PALS1: variants seen among roughly 807,000 people sequenced by gnomAD.
PALS1 encodes the protein protein associated with LIN7 1, MAGUK p55 family member.
In PALS1, 31 loss-of-function variants were observed where a neutral mutation model predicts 78.9. The ratio of observed to expected loss-of-function variants is 0.39; its 90% confidence interval spans 0.30 to 0.53. PALS1 has a LOEUF of 0.53. Among genes scored for constraint, PALS1 ranks in the 20% least tolerant of loss-of-function variants. The pLI is 0.67. For missense variants in PALS1, 704 were observed against 826.5 expected (o/e 0.85, Z 1.82); for synonymous variants, 276 against 270.9 (o/e 1.02, Z -0.18).
In PALS1 at chr14:67,279,033, A is replaced by C. The variant is rs907303661; in HGVS notation, c.-138A>C. The C allele has an allele frequency of 6.7e-6, 5 of 749,170 alleles. No homozygotes were observed. The African/African-American group carries it at 9.0e-5, about 14-fold the overall frequency. The allele number at this position is 749,170 out of a possible 1,614,324, so 46.4% of individuals were successfully genotyped here. On this transcript the variant is annotated 5_prime_UTR_variant, in exon 3 of 15. Transcript: ENST00000261681. Reference sequence around the variant, plus strand: ...TTCCCCTTAGATTTCCTTCATGGATACTTTTTCATAGCATTATTATGTGAT... The same window carrying C: ...TTCCCCTTAGATTTCCTTCATGGATCCTTTTTCATAGCATTATTATGTGAT...
chr14:67,282,797 A>T (rs1482818730), intron 3 of PALS1, among the ~76,000 whole-genome samples: 2 of 152,116 alleles, frequency 1.3e-5, no homozygotes, highest in Non-Finnish European at 2.9e-5. Context: ...ATCAGAGCAA[A>T]CTACCTTGTG....
intron 1 of PALS1, among the ~76,000 whole-genome samples, chr14:67,246,604 G>A (rs1306735694): frequency 6.7e-6 from 1 of 150,226 alleles, no homozygotes; most frequent in East Asian, 2.0e-4. Context: ...ACCTCCAAAA[G>A]TGCTAGGATT....
chr14:67,311,738 G>T (rs2085093151), intron 8 of PALS1, among the ~76,000 whole-genome samples: 1 of 152,126 alleles, frequency 6.6e-6, no homozygotes, highest in African/African-American at 2.4e-5. Flanking sequence ...ACAATTCTTT[G>T]ATTTATTCTG....
chr14:67,252,659 G>A (rs898075726), intron 1 of PALS1, among the ~76,000 whole-genome samples: 2 of 152,080 alleles, frequency 1.3e-5, no homozygotes, highest in East Asian at 1.9e-4. Context: ...ACACCCAGTC[G>A]GTGTCCAGAG....
chr14:67,325,843 C>CT (rs1246807744), intron 14 of PALS1, among the ~76,000 whole-genome samples: 6 of 150,654 alleles, frequency 4.0e-5, no homozygotes, highest in African/African-American at 1.5e-4. Flanking sequence ...GAGTCTTACT[C>CT]TGTCGCCCAG....
At chr14:67,313,884 G>A (rs2061642397) in intron 9 of PALS1, among the ~76,000 whole-genome samples, 1 of 151,100 alleles carries the variant, frequency 6.6e-6, no homozygotes, top group African/African-American at 2.4e-5. Flanking sequence ...GATGTCAGAG[G>A]CCAAGTCTTA....
chr14:67,332,932 G>C lies in PALS1; in HGVS notation c.2004G>C (p.Trp668Cys). The C allele has an allele frequency of 6.2e-7, 1 of 1,609,366 alleles. No homozygotes were observed. Among genetic ancestry groups the C allele is most frequent in the South Asian group, 1.1e-5 (1 of 90,860 alleles). Residue 668 changes from tryptophan to cysteine, a missense_variant, in exon 15 of 15, where the codon TGG (tryptophan) becomes TGC (cysteine). By Grantham distance (215) the Trp-to-Cys change is radical. Transcript: ENST00000261681. Reference sequence around the variant, plus strand: ...ACAAACTTGATACTGAACCTCAGTGGGTACCATCCACTTGGCTGAGGTGAA... The same window carrying C: ...ACAAACTTGATACTGAACCTCAGTGCGTACCATCCACTTGGCTGAGGTGAA... ...LINKLDTEPQ[W>C]VPSTWLR
At chr14:67,280,555 A>G (rs2084587826) in intron 3 of PALS1, among the ~76,000 whole-genome samples, 1 of 152,206 alleles carries the variant, frequency 6.6e-6, no homozygotes, top group African/African-American at 2.4e-5. Context: ...ATTGAACCTT[A>G]GTTAAACAAC....
intron 1 of PALS1, among the ~76,000 whole-genome samples, chr14:67,256,658 G>A (rs547100818): frequency 4.0e-5 from 6 of 151,732 alleles, no homozygotes; most frequent in African/African-American, 1.2e-4. Context: ...AGTGATTCTC[G>A]TGCCTCAGCC....
Position 67,303,532 on chromosome 14 carries a change from A to C in PALS1, c.974A>C (p.His325Pro). 1.2e-6 allele frequency: 2 copies of C among 1,613,114 alleles called. No homozygotes were observed. The highest frequency in any genetic ancestry group is 1.7e-6 in the Non-Finnish European group (2 of 1,179,094). Residue 325 changes from histidine to proline, a missense_variant, in exon 8 of 15, where the codon CAT becomes CCT. By Grantham distance (77) the His-to-Pro change is moderately conservative (BLOSUM62 -2). Transcript: ENST00000261681. ...ATCTTTCTATTACAGTCTGATATGCATGGTACTTTGACTTTTGTCCTGATT... is the reference window on the plus strand; with the variant it reads ...ATCTTTCTATTACAGTCTGATATGCCTGGTACTTTGACTTTTGTCCTGATT... ...NEVFDLLSDMHGTLTFVLIPS... is the reference protein window; with the variant it reads ...NEVFDLLSDMPGTLTFVLIPS...
chr14:67,258,112 A>G (rs1377569077), intron 1 of PALS1, among the ~76,000 whole-genome samples: 1 of 151,952 alleles, frequency 6.6e-6, no homozygotes, highest in East Asian at 1.9e-4. Flanking sequence ...TTAATGCAGC[A>G]CGTATTGAGT....
intron 14 of PALS1, among the ~76,000 whole-genome samples, chr14:67,326,946 G>A (rs1455454713): frequency 6.6e-6 from 1 of 152,154 alleles, no homozygotes; most frequent in African/African-American, 2.4e-5. Context: ...AGGCCGAGGC[G>A]GGCAGATCAC....
At chr14:67,332,682 TATGAA>T in intron 14 of PALS1, 93 bp from the exon 15 acceptor site, 1 of 1,145,262 alleles carries the variant, frequency 8.7e-7, no homozygotes, top group Non-Finnish European at 1.2e-6. Flanking sequence ...GAAGGAAAGC[TATGAA>T]GGTCGCTCCT....
intron 4 of PALS1, among the ~76,000 whole-genome samples, chr14:67,298,063 A>G (rs888349977): frequency 6.6e-6 from 1 of 152,172 alleles, no homozygotes; most frequent in Non-Finnish European, 1.5e-5. Flanking sequence ...AGGTTAAGGC[A>G]TAAGGAATGC....
At chr14:67,286,924 T>C (rs1464447042) in intron 3 of PALS1, among the ~76,000 whole-genome samples, 7 of 149,400 alleles carry the variant, frequency 4.7e-5, no homozygotes, top group African/African-American at 1.5e-4. Flanking sequence ...CTTTTAAAAA[T>C]GTACCCTTTA....
chr14:67,323,080 CTTA>C (rs1411840075), intron 13 of PALS1, among the ~76,000 whole-genome samples: 2 of 151,976 alleles, frequency 1.3e-5, no homozygotes, highest in African/African-American at 2.4e-5. Flanking sequence ...TGTATGTGAT[CTTA>C]TTATTAAAAC....
intron 1 of PALS1, among the ~76,000 whole-genome samples, chr14:67,257,637 TACAC>T (rs2084165880): frequency 1.3e-5 from 2 of 152,080 alleles, no homozygotes; most frequent in African/African-American, 2.4e-5. Context: ...ACATAGAACA[TACAC>T]ACGTATTTTA....
intron 9 of PALS1, among the ~76,000 whole-genome samples, chr14:67,316,278 G>A (rs533665748): frequency 2.0e-5 from 3 of 152,084 alleles, no homozygotes; most frequent in Non-Finnish European, 2.9e-5. Flanking sequence ...GGAAAAGCAC[G>A]TTTTCCATTT....
rs538712596 is a variant in PALS1 at position 67,335,467 on chromosome 14, T to C, written c.*2511T>C. On this transcript the variant is annotated 3_prime_UTR_variant, in exon 15 of 15. Transcript: ENST00000261681. ...TTGGAAAATCCAAATAAGGAAGTTT[T>C]AGGTTGGTGCATAACTTTGTTTCTC... 6.5e-5 allele frequency: 10 copies of C among 152,672 alleles called. No homozygotes were observed. The East Asian group carries it at 1.9e-3, about 29-fold the overall frequency. The allele number at this position is 152,672 out of a possible 1,614,324, so 9.5% of individuals were successfully genotyped here. A position where few individuals can be genotyped will look rare whatever the true frequency, so the allele number is the denominator to read the frequency against.
Sources: gnomAD v4.1 joint callset for allele counts (sites outside exome capture counted in the v4.1 genomes callset) on GRCh38, gnomAD v4.1.1 for gene constraint, MANE v1.5 for transcripts, NCBI Gene and HGNC (gene_info 2026-07-23, HGNC 2026-07-21) for gene names.